DPYD: variants seen among roughly 807,000 people sequenced by gnomAD.
DPYD encodes dihydropyrimidine dehydrogenase.
In DPYD, 109 loss-of-function variants were observed where a neutral mutation model predicts 116.2. The ratio of observed to expected loss-of-function variants is 0.94; its 90% CI spans 0.80 to 1.10. The LOEUF is 1.10. Among genes scored for constraint, DPYD ranks in the 50% least tolerant of loss-of-function variants. The pLI is 0.00. For synonymous variants in DPYD, 440 were observed against 432.0 expected (o/e 1.02, Z -0.23); for missense variants, 1,302 against 1,254.5 (o/e 1.04, Z -0.57).
At chr1:97,445,171 C>CATAACTACA (rs1186171435) in intron 14 of DPYD, among the ~76,000 whole-genome samples, 1 of 152,182 alleles carries the variant, frequency 6.6e-6, no homozygotes, top group Non-Finnish European at 1.5e-5. Context: ...CTTCCACAGT[C>CATAACTACA]ATAACTACAG....
chr1:97,101,165 T>G (rs1210498016), intron 20 of DPYD, among the ~76,000 whole-genome samples: 1 of 151,480 alleles, frequency 6.6e-6, no homozygotes, highest in Non-Finnish European at 1.5e-5. Context: ...CCACATCAAA[T>G]TGGGTTCATT....
rs1658578534 is a variant in DPYD at position 97,651,480 on chromosome 1, T to C, written c.850+27615A>G. On this transcript the variant is annotated intron_variant, in intron 8 of 22. Coordinates refer to ENST00000370192, the MANE Select transcript of DPYD (RefSeq NM_000110.4). ...AATAAATCACTTCTTGCAGATGTTT[T>C]CACCCGCTGCAAGGCTGCCGTTCAT... Among the ~76,000 whole-genome samples the C allele has an allele frequency of 3.3e-5, 5 of 152,154 alleles. No homozygotes were observed. The South Asian group carries it at 1.0e-3, about 32-fold the overall frequency.
chr1:97,787,312 T>A (rs942943695), intron 3 of DPYD, among the ~76,000 whole-genome samples: 1 of 152,190 alleles, frequency 6.6e-6, no homozygotes, highest in African/African-American at 2.4e-5. Context: ...GAGACTTTTA[T>A]CCTAAACAGT....
chr1:97,612,824 T>A (rs1390876355), intron 8 of DPYD, among the ~76,000 whole-genome samples: 1 of 151,920 alleles, frequency 6.6e-6, no homozygotes, highest in Non-Finnish European at 1.5e-5. Flanking sequence ...TGAGCAAGAG[T>A]TGTCATTTAC....
chr1:97,299,277 T>C (rs1437975189), intron 18 of DPYD, among the ~76,000 whole-genome samples: 1 of 152,136 alleles, frequency 6.6e-6, no homozygotes, highest in Non-Finnish European at 1.5e-5. Context: ...AATCATTCTT[T>C]ATGAAAAAAC....
intron 8 of DPYD, among the ~76,000 whole-genome samples, chr1:97,640,380 C>A (rs1657819090): frequency 6.6e-6 from 1 of 152,078 alleles, no homozygotes; most frequent in Non-Finnish European, 1.5e-5. Context: ...ACCATCTCAG[C>A]TCACTGCAAA....
chr1:97,351,955 T>TA (rs1482317467), intron 16 of DPYD, among the ~76,000 whole-genome samples: 1 of 152,192 alleles, frequency 6.6e-6, no homozygotes, highest in Non-Finnish European at 1.5e-5. Flanking sequence ...CTGCAAGTAT[T>TA]ACAAAAATTT....
intron 3 of DPYD, among the ~76,000 whole-genome samples, chr1:97,805,182 GT>G (rs1668021797): frequency 6.6e-6 from 1 of 151,848 alleles, no homozygotes; most frequent in African/African-American, 2.4e-5. Flanking sequence ...TGAGTCTGAA[GT>G]TTTTGAAGAA....
intron 20 of DPYD, among the ~76,000 whole-genome samples, chr1:97,169,000 C>A (rs1656525800): frequency 6.6e-6 from 1 of 152,034 alleles, no homozygotes; most frequent in African/African-American, 2.4e-5. Flanking sequence ...GCACCCACCA[C>A]CATGCCCAGT....
chr1:97,731,885 AGT>A (rs1318872855), intron 4 of DPYD, among the ~76,000 whole-genome samples: 4 of 151,994 alleles, frequency 2.6e-5, no homozygotes, highest in Admixed American at 1.3e-4. Context: ...TTATATCATT[AGT>A]GTTTTTTAAA....
At chr1:97,834,622 C>G (rs1669679326) in intron 2 of DPYD, among the ~76,000 whole-genome samples, 1 of 152,034 alleles carries the variant, frequency 6.6e-6, no homozygotes, top group Admixed American at 6.5e-5. Flanking sequence ...CACACTCCAA[C>G]ATGTACTGCT....
chr1:97,397,436 T>C (rs993588882), intron 14 of DPYD, among the ~76,000 whole-genome samples: 2 of 152,054 alleles, frequency 1.3e-5, no homozygotes, highest in East Asian at 1.9e-4. Context: ...GTTTGGACAA[T>C]GTATAATGAC....
At chr1:97,550,847 T>C (rs1210918460) in intron 11 of DPYD, among the ~76,000 whole-genome samples, 1 of 152,202 alleles carries the variant, frequency 6.6e-6, no homozygotes, top group Non-Finnish European at 1.5e-5. Context: ...ATGTTATTTT[T>C]GACACCTAAA....
intron 14 of DPYD, among the ~76,000 whole-genome samples, chr1:97,405,477 GTTTT>G (rs758327494): frequency 6.6e-6 from 1 of 151,722 alleles, no homozygotes; most frequent in African/African-American, 2.4e-5. Context: ...ACATTGGTGA[GTTTT>G]TTTCTCTGAA....
chr1:97,341,631 C>G (rs1180679059), intron 16 of DPYD, among the ~76,000 whole-genome samples: 1 of 152,132 alleles, frequency 6.6e-6, no homozygotes, highest in Non-Finnish European at 1.5e-5. Context: ...ATTAAGGATC[C>G]TTATTTCCTT....
At chr1:97,214,886 T>C (rs1660272015) in intron 19 of DPYD, among the ~76,000 whole-genome samples, 1 of 152,218 alleles carries the variant, frequency 6.6e-6, no homozygotes, top group African/African-American at 2.4e-5. Context: ...CTTGCTACCC[T>C]AGAATTTTAT....
intron 12 of DPYD, among the ~76,000 whole-genome samples, chr1:97,520,139 C>T (rs1417953643): frequency 6.6e-6 from 1 of 152,042 alleles, no homozygotes; most frequent in Non-Finnish European, 1.5e-5. Context: ...GAACTATTTT[C>T]ATTCATTTAC....
At chr1:97,826,101 C>A (rs548778930) in intron 3 of DPYD, among the ~76,000 whole-genome samples, 1 of 152,164 alleles carries the variant, frequency 6.6e-6, no homozygotes, top group Non-Finnish European at 1.5e-5. Flanking sequence ...AAATTAAATT[C>A]TCACTTAAAT....
intron 13 of DPYD, among the ~76,000 whole-genome samples, chr1:97,452,993 G>T (rs987472238): frequency 6.6e-6 from 1 of 152,020 alleles, no homozygotes; most frequent in African/African-American, 2.4e-5. Context: ...TAGTCCATTT[G>T]TCTAGAATTG....
Sources: allele counts gnomAD v4.1 joint callset (sites outside exome capture counted in the v4.1 genomes callset), GRCh38; gene constraint gnomAD v4.1.1; transcripts MANE v1.5; gene names NCBI Gene and HGNC (gene_info 2026-07-23, HGNC 2026-07-21).